Variants in ITCH observed in about 807,000 individuals in gnomAD.
ITCH encodes the protein itchy E3 ubiquitin protein ligase, also known as E3 ubiquitin-protein ligase Itchy homolog.
A neutral mutation model predicts 126.8 loss-of-function variants in ITCH; 28 were observed. That is an observed-to-expected ratio of 0.22 (90% CI 0.16 to 0.30). ITCH has a LOEUF of 0.30. Among genes scored for constraint, ITCH ranks in the 10% least tolerant of loss-of-function variants. The pLI is 1.00. For missense variants in ITCH, 631 were observed against 1,032.4 expected, an observed-to-expected ratio of 0.61 and a Z score of 5.33; for synonymous variants, 342 against 340.0, an observed-to-expected ratio of 1.01 and a Z score of -0.06.
chr20:34,484,497 G>A (rs1408906670), intron 20 of ITCH, among the ~76,000 whole-genome samples: 3 of 152,086 alleles, frequency 2.0e-5, no homozygotes, highest in Non-Finnish European at 4.4e-5. Context: ...TTTTTGTTAT[G>A]ATATGTCTAG....
At chr20:34,437,130 A>G (rs965525828) in intron 7 of ITCH, among the ~76,000 whole-genome samples, 7 of 150,900 alleles carry the variant, frequency 4.6e-5, no homozygotes, top group Admixed American at 1.3e-4. Context: ...CGCTGTCTCA[A>G]AAAAAAAAGG....
At chr20:34,381,999 A>C (rs760145277) in intron 2 of ITCH, among the ~76,000 whole-genome samples, 50 of 152,102 alleles carry the variant, frequency 3.3e-4, no homozygotes, top group Admixed American at 1.1e-3. Context: ...TCTTTCTTAG[A>C]TTTCCATTTG....
intron 2 of ITCH, among the ~76,000 whole-genome samples, chr20:34,393,355 A>G (rs1034011493): frequency 2.6e-5 from 4 of 152,138 alleles, no homozygotes; most frequent in African/African-American, 9.7e-5. Context: ...CCAAAAATTA[A>G]AAAAATTAGG....
chr20:34,403,619 C>T (rs73097045), intron 3 of ITCH, among the ~76,000 whole-genome samples: 2,759 of 152,042 alleles, frequency 0.018, 23 homozygotes, highest in Non-Finnish European at 0.028. Context: ...AAGAGGCTCA[C>T]GGGGTGAGTT....
chr20:34,487,224 G>A (rs1196955165), intron 20 of ITCH, among the ~76,000 whole-genome samples: 1 of 151,602 alleles, frequency 6.6e-6, no homozygotes. Flanking sequence ...GTGTTAGCCA[G>A]GAAAGTCTCA....
chr20:34,502,399 A>G (rs1356600538), intron 23 of ITCH, among the ~76,000 whole-genome samples: 1 of 152,012 alleles, frequency 6.6e-6, no homozygotes, highest in Non-Finnish European at 1.5e-5. Context: ...GTGTCTTAAA[A>G]AAAAAAAAAA....
intron 14 of ITCH, among the ~76,000 whole-genome samples, chr20:34,465,878 T>C (rs1275765481): frequency 6.6e-6 from 1 of 152,138 alleles, no homozygotes; most frequent in East Asian, 1.9e-4. Context: ...CTTCCCAATT[T>C]GGGTATCTTT....
At chr20:34,416,212 A>C (rs1270956683) in intron 6 of ITCH, among the ~76,000 whole-genome samples, 1 of 152,132 alleles carries the variant, frequency 6.6e-6, no homozygotes, top group Non-Finnish European at 1.5e-5. Flanking sequence ...CAGCCTGACC[A>C]ACATGGAGAA....
chr20:34,506,289 C>G (rs1191905504), intron 24 of ITCH, among the ~76,000 whole-genome samples: 6 of 152,322 alleles, frequency 3.9e-5, no homozygotes, highest in Middle Eastern at 3.4e-3. Flanking sequence ...GTCTCGACCT[C>G]TTGAGCTCAA....
chr20:34,383,503 A>T (rs1400317508), intron 2 of ITCH, among the ~76,000 whole-genome samples: 1 of 150,218 alleles, frequency 6.7e-6, no homozygotes, highest in Non-Finnish European at 1.5e-5. Context: ...AGTAGCTGGG[A>T]TTACAGGTAT....
At chr20:34,491,999 G>C (rs1285131735) in intron 22 of ITCH, among the ~76,000 whole-genome samples, 2 of 152,192 alleles carry the variant, frequency 1.3e-5, no homozygotes, top group Non-Finnish European at 2.9e-5. Flanking sequence ...CTGGGGCTGG[G>C]GGGTGGTGGT....
At chr20:34,448,254 G>A (rs541136329) in intron 11 of ITCH, among the ~76,000 whole-genome samples, 7 of 152,154 alleles carry the variant, frequency 4.6e-5, no homozygotes, top group South Asian at 2.1e-4. Flanking sequence ...TTAGCTGGGC[G>A]TGGTGGCGCG....
intron 23 of ITCH, among the ~76,000 whole-genome samples, chr20:34,498,938 C>A: frequency 6.6e-6 from 1 of 151,280 alleles, no homozygotes; most frequent in South Asian, 2.1e-4. Context: ...TGTTAGAATT[C>A]CATTGGTTCC....
chr20:34,401,643 A>T, intron 3 of ITCH: 1 of 982,636 alleles, frequency 1.0e-6, no homozygotes, highest in Non-Finnish European at 1.2e-6. Context: ...TTTCTCAACT[A>T]GACCTAGGAA....
At chr20:34,456,205 T>C (rs1985950548) in intron 12 of ITCH, among the ~76,000 whole-genome samples, 3 of 37,218 alleles carry the variant, frequency 8.1e-5, no homozygotes, top group Admixed American at 2.9e-4. Flanking sequence ...TATATATATA[T>C]ATATATATAT....
chr20:34,397,024 G>GT lies in ITCH; in HGVS notation c.70+3152dup, dbSNP rs1165023922. Among the ~76,000 whole-genome samples the GT allele has an allele frequency of 6.6e-3, 985 of 149,894 alleles. 11 individuals carry two copies. The highest frequency in any genetic ancestry group is 0.021 in the African/African-American group (841 of 40,800). The stretch of plus-strand genomic sequence containing the variant: ...CATATGGTGTCTTTGTAGGTTTTTT[G>GT]TTTTTTTTTGTTTGTTTTTTTGAGA... On this transcript the variant is annotated intron_variant, in intron 3 of 24. Coordinates refer to ENST00000374864, the MANE Select transcript of ITCH (RefSeq NM_031483.7).
rs1018550263 is a variant in ITCH, at chr20:34,457,282, A to G, written c.1211-108A>G. The G allele has an allele frequency of 9.2e-6, 7 of 762,796 alleles. No homozygotes were observed. The African/African-American group carries it at 1.2e-4, about 13-fold the overall frequency. The allele number at this position is 762,796 out of a possible 1,614,324, so 47.3% of individuals were successfully genotyped here. Reference sequence around the variant, plus strand: ...CTGTGATTTAAAAACTATAAAATAAACAATGAAATGAGAAATGGGCAAATT... The same window carrying G: ...CTGTGATTTAAAAACTATAAAATAAGCAATGAAATGAGAAATGGGCAAATT... On this transcript the variant is annotated intron_variant, in intron 12 of 24. Transcript: ENST00000374864.
chr20:34,496,803 C>CAAAAAA (rs60619641), intron 23 of ITCH, among the ~76,000 whole-genome samples: 3 of 99,384 alleles, frequency 3.0e-5, no homozygotes, highest in South Asian at 6.7e-4. Flanking sequence ...CACTCCATCT[C>CAAAAAA]AAAAAAAAAA....
At chr20:34,390,364 C>T (rs2038440500) in intron 2 of ITCH, among the ~76,000 whole-genome samples, 1 of 150,892 alleles carries the variant, frequency 6.6e-6, no homozygotes, top group Admixed American at 6.6e-5. Context: ...CTAGATCTGT[C>T]TGACTTCACA....
Sources: gnomAD v4.1 joint callset for allele counts (sites outside exome capture counted in the v4.1 genomes callset) on GRCh38, gnomAD v4.1.1 for gene constraint, MANE v1.5 for transcripts, NCBI Gene and HGNC (gene_info 2026-07-23, HGNC 2026-07-21) for gene names.